Variants in TRIM9 observed in about 807,000 individuals in gnomAD.
TRIM9 encodes the protein tripartite motif containing 9, also known as E3 ubiquitin-protein ligase TRIM9.
In TRIM9, 26 loss-of-function variants were observed where a neutral mutation model predicts 78.3. The ratio of observed to expected loss-of-function variants is 0.33; its 90% CI spans 0.24 to 0.46. The LOEUF (loss-of-function observed/expected upper bound fraction) is 0.46. Ranked by LOEUF, TRIM9 falls within the 20% of genes least tolerant of loss-of-function variation. TRIM9 has a pLI of 1.00. For missense variants in TRIM9, 787 were observed against 1,036.4 expected, an observed-to-expected ratio of 0.76 and a Z score of 3.30; for synonymous variants, 398 against 416.5, an observed-to-expected ratio of 0.96 and a Z score of 0.54.
chr14:51,035,123 T>C (rs1485284103), intron 1 of TRIM9, among the ~76,000 whole-genome samples: 3 of 152,350 alleles, frequency 2.0e-5, no homozygotes, highest in Non-Finnish European at 4.4e-5. Context: ...ATTATCTCCA[T>C]ATAAATGTAT....
intron 1 of TRIM9, among the ~76,000 whole-genome samples, chr14:51,037,491 A>AT (rs1191480807): frequency 1.3e-5 from 2 of 152,206 alleles, no homozygotes; most frequent in Non-Finnish European, 2.9e-5. Flanking sequence ...CTAACTCACA[A>AT]TGGTGATCAG....
Position 50,998,180 on chromosome 14 carries a change from A to G in TRIM9, c.1473T>C (p.Tyr491=). Residue 491 remains tyrosine (Y), a synonymous_variant, in exon 7 of 13, where the codon TAT becomes TAC. Coordinates refer to ENST00000684578, the MANE Select transcript of TRIM9 (RefSeq NM_001387360.1). ...CAGTGCACATTGTCTCCTTCCCCAC[A>G]TACACCTCCTGAGAGTCAGCAAAGA... is the stretch of plus-strand genomic sequence containing the variant. ...DGNGGQFREV[Y]VGKETMCTVD... The G allele has an allele frequency of 6.2e-7, 1 of 1,614,100 alleles. No homozygotes were observed. The highest frequency in any genetic ancestry group is 8.5e-7 in the Non-Finnish European group (1 of 1,180,000).
At chr14:51,028,911 T>G (rs573291215) in intron 1 of TRIM9, among the ~76,000 whole-genome samples, 1 of 152,228 alleles carries the variant, frequency 6.6e-6, no homozygotes, top group African/African-American at 2.4e-5. Context: ...GCTTTCGTCC[T>G]CAGCTTCCAC....
chr14:51,027,536 T>C (rs567655145), intron 1 of TRIM9, among the ~76,000 whole-genome samples: 1 of 151,714 alleles, frequency 6.6e-6, no homozygotes, highest in Non-Finnish European at 1.5e-5. Flanking sequence ...GAACAGGGTC[T>C]GTTGGAGAAC....
At chr14:50,995,838 G>A (rs1377906158) in intron 7 of TRIM9, among the ~76,000 whole-genome samples, 1 of 152,030 alleles carries the variant, frequency 6.6e-6, no homozygotes, top group Non-Finnish European at 1.5e-5. Context: ...TAAAGCATAA[G>A]TGCAGTGAAT....
chr14:51,090,387 G>A (rs1399161611), intron 1 of TRIM9, among the ~76,000 whole-genome samples: 1 of 151,958 alleles, frequency 6.6e-6, no homozygotes, highest in African/African-American at 2.4e-5. Context: ...TTTTCTCCAG[G>A]ATATTTTAGA....
At chr14:50,980,020 A>T (rs1396710603) in intron 11 of TRIM9, among the ~76,000 whole-genome samples, 1 of 152,248 alleles carries the variant, frequency 6.6e-6, no homozygotes, top group African/African-American at 2.4e-5. Context: ...ATACAAAGTG[A>T]CTTAATTTGA....
chr14:50,998,299 G>T (rs1285697094), intron 6 of TRIM9, 111 bp from the exon 7 acceptor site: 3 of 1,027,404 alleles, frequency 2.9e-6, no homozygotes, highest in South Asian at 1.6e-5. Context: ...ATTCTAATCT[G>T]GATTTGAATC....
Position 51,054,333 on chromosome 14 carries a change from C to A in TRIM9, c.823-28973G>T, listed in dbSNP as rs577098313. Among the ~76,000 whole-genome samples the A allele has an allele frequency of 7.9e-5, 12 of 151,082 alleles. No individual in the cohort carries two copies. The East Asian group carries it at 1.9e-3, about 24-fold the overall frequency. On this transcript the variant is annotated intron_variant, in intron 1 of 12. Coordinates refer to ENST00000684578, the MANE Select transcript of TRIM9 (RefSeq NM_001387360.1). ...TGTTGTCCAGGCTGAAGTATAGTGG[C>A]TCCATCTTGGCTCACTGCAATCTCT...
intron 1 of TRIM9, among the ~76,000 whole-genome samples, chr14:51,043,598 GA>G (rs1487131624): frequency 6.6e-6 from 1 of 152,224 alleles, no homozygotes; most frequent in East Asian, 1.9e-4. Flanking sequence ...AAGTTTATAT[GA>G]AATTTGGATG....
chr14:51,069,880 T>C (rs908371378), intron 1 of TRIM9, among the ~76,000 whole-genome samples: 2 of 152,254 alleles, frequency 1.3e-5, no homozygotes, highest in African/African-American at 4.8e-5. Flanking sequence ...ATTATTTGTG[T>C]ATTCTGTATT....
intron 1 of TRIM9, among the ~76,000 whole-genome samples, chr14:51,054,227 A>G (rs2060697916): frequency 1.3e-5 from 2 of 152,134 alleles, no homozygotes. Flanking sequence ...ACGCCCAACC[A>G]TTGACATCAT....
chr14:50,989,060 G>C (rs1224986244), intron 7 of TRIM9, among the ~76,000 whole-genome samples: 1 of 152,194 alleles, frequency 6.6e-6, no homozygotes. Flanking sequence ...ACATGGAACA[G>C]ATCACTAGTT....
At chr14:51,008,012 G>T (rs17724183) in intron 5 of TRIM9, among the ~76,000 whole-genome samples, 30,043 of 152,128 alleles carry the variant, frequency 0.2, 3,318 homozygotes, top group Non-Finnish European at 0.26. Context: ...AGCACTGAAT[G>T]CTAAGAGTCA....
chr14:51,077,024 T>C (rs1351752581), intron 1 of TRIM9, among the ~76,000 whole-genome samples: 1 of 152,228 alleles, frequency 6.6e-6, no homozygotes. Context: ...GCGCTTGCTA[T>C]AAAAGGGCTT....
At chr14:51,014,788 T>C (rs1212171109) in intron 3 of TRIM9, among the ~76,000 whole-genome samples, 1 of 152,224 alleles carries the variant, frequency 6.6e-6, no homozygotes, top group Non-Finnish European at 1.5e-5. Flanking sequence ...GCCACCTCAC[T>C]GTTGTCTTTG....
intron 3 of TRIM9, 143 bp downstream of exon 3, chr14:51,022,692 C>T: frequency 1.5e-6 from 2 of 1,297,606 alleles, no homozygotes; most frequent in Non-Finnish European, 2.1e-6. Flanking sequence ...GTGTCTGTTC[C>T]TTTCTGGCCA....
chr14:51,076,068 C>G (rs540461563), intron 1 of TRIM9, among the ~76,000 whole-genome samples: 2 of 152,164 alleles, frequency 1.3e-5, no homozygotes, highest in African/African-American at 4.8e-5. Context: ...TAAATACCTG[C>G]AAATGCTGGG....
At position 51,024,022 on chromosome 14, in the gene TRIM9, G is replaced by A. The variant is rs191628620; in HGVS notation, c.919-1065C>T. Among the ~76,000 whole-genome samples, 568 of 152,318 alleles carry A rather than the reference G, an allele frequency of 3.7e-3. 7 individuals carry two copies. Among genetic ancestry groups the A allele is most frequent in the Non-Finnish European group, 3.5e-3 (238 of 68,028 alleles). The stretch of plus-strand genomic sequence containing the variant: ...AGGTCTTCGTATAAGGAATGCATTA[G>A]TAATTGCTTGAGCAATGCTAAATTT... On this transcript the variant is annotated intron_variant, in intron 2 of 12. Coordinates refer to ENST00000684578, the MANE Select transcript of TRIM9 (RefSeq NM_001387360.1).
Sources: gnomAD v4.1 joint callset for allele counts (sites outside exome capture counted in the v4.1 genomes callset) on GRCh38, gnomAD v4.1.1 for gene constraint, MANE v1.5 for transcripts, NCBI Gene and HGNC (gene_info 2026-07-23, HGNC 2026-07-21) for gene names.